The following APBA1 variants were observed in gnomAD, a reference collection of about 807,000 sequenced individuals.
APBA1 encodes amyloid beta precursor protein binding family A member 1.
In APBA1, 55 loss-of-function variants were observed where a neutral mutation model predicts 86.6. The ratio of observed to expected loss-of-function variants is 0.64; its 90% confidence interval spans 0.51 to 0.80. The LOEUF (loss-of-function observed/expected upper bound fraction) is 0.80, where lower values mean the gene tolerates loss of function less well. APBA1 is among the 30% of genes least tolerant of loss of function. APBA1 has a pLI of 0.00. For synonymous variants in APBA1, 511 were observed against 493.9 expected (o/e 1.03, Z -0.46); for missense variants, 1,090 against 1,183.0 (o/e 0.92, Z 1.15).
At chr9:69,501,564 G>T (rs1345618991) in intron 2 of APBA1, among the ~76,000 whole-genome samples, 1 of 151,110 alleles carries the variant, frequency 6.6e-6, no homozygotes, top group African/African-American at 2.4e-5. Context: ...ACTTTGAGAG[G>T]CCAATGCTTG....
intron 2 of APBA1, among the ~76,000 whole-genome samples, chr9:69,487,763 GC>G (rs1554692511): frequency 6.6e-6 from 1 of 151,978 alleles, no homozygotes; most frequent in Non-Finnish European, 1.5e-5. Context: ...CTTACCAGAA[GC>G]AGCCCCTCCA....
chr9:69,565,700 G>T (rs1056643166), intron 1 of APBA1, among the ~76,000 whole-genome samples: 1 of 152,074 alleles, frequency 6.6e-6, no homozygotes, highest in Non-Finnish European at 1.5e-5. Flanking sequence ...CAATTGTCCA[G>T]TCCTGTGGCT....
chr9:69,598,179 C>G (rs1238929837), intron 1 of APBA1, among the ~76,000 whole-genome samples: 1 of 151,246 alleles, frequency 6.6e-6, no homozygotes, highest in Non-Finnish European at 1.5e-5. Flanking sequence ...TAAGCTATCA[C>G]AAGAACAAAA....
chr9:69,511,651 T>C (rs1428653287), intron 2 of APBA1, among the ~76,000 whole-genome samples: 1 of 151,868 alleles, frequency 6.6e-6, no homozygotes, highest in Admixed American at 6.6e-5. Flanking sequence ...TTATTCACAA[T>C]AGCAAAGACT....
At chr9:69,671,674 T>A (rs544935107) in intron 1 of APBA1, among the ~76,000 whole-genome samples, 1 of 152,132 alleles carries the variant, frequency 6.6e-6, no homozygotes, top group East Asian at 1.9e-4. Context: ...ACTGCCTCCC[T>A]CCACACTTCA....
chr9:69,610,316 T>C (rs78112418), intron 1 of APBA1, among the ~76,000 whole-genome samples: 8,141 of 152,164 alleles, frequency 0.054, 304 homozygotes, highest in Non-Finnish European at 0.082. Context: ...TAACACTCTG[T>C]CTCTAAAAAT....
chr9:69,591,407 G>A (rs1286521385), intron 1 of APBA1, among the ~76,000 whole-genome samples: 1 of 152,188 alleles, frequency 6.6e-6, no homozygotes, highest in Non-Finnish European at 1.5e-5. Context: ...CTTCGATTAA[G>A]TACACATCTG....
At chr9:69,489,967 A>G (rs1436607975) in intron 2 of APBA1, among the ~76,000 whole-genome samples, 4 of 152,122 alleles carry the variant, frequency 2.6e-5, no homozygotes, top group Admixed American at 2.6e-4. Flanking sequence ...CTGCCATCCC[A>G]TTACTGGGTA....
At chr9:69,496,913 G>C (rs1402635813) in intron 2 of APBA1, among the ~76,000 whole-genome samples, 3 of 151,926 alleles carry the variant, frequency 2.0e-5, no homozygotes, top group African/African-American at 4.8e-5. Flanking sequence ...GGGTGAAGCT[G>C]TTTAGAGTGT....
intron 1 of APBA1, among the ~76,000 whole-genome samples, chr9:69,522,410 T>C (rs1836268220): frequency 6.6e-6 from 1 of 152,056 alleles, no homozygotes; most frequent in Non-Finnish European, 1.5e-5. Flanking sequence ...TTGCTGCCCT[T>C]ATTCACTCAT....
intron 5 of APBA1, among the ~76,000 whole-genome samples, chr9:69,466,397 C>T (rs1399331844): frequency 6.6e-6 from 1 of 152,204 alleles, no homozygotes; most frequent in Admixed American, 6.5e-5. Flanking sequence ...GGGCATGAGG[C>T]CCAAACCAAC....
intron 1 of APBA1, among the ~76,000 whole-genome samples, chr9:69,649,308 T>C (rs915402793): frequency 6.6e-6 from 1 of 152,178 alleles, no homozygotes; most frequent in Admixed American, 6.5e-5. Context: ...TGGCATCCCA[T>C]TATTCTCAGA....
intron 4 of APBA1, among the ~76,000 whole-genome samples, chr9:69,468,930 T>G (rs1035032736): frequency 6.6e-6 from 1 of 151,040 alleles, no homozygotes; most frequent in Non-Finnish European, 1.5e-5. Flanking sequence ...AGTGGTGTGA[T>G]CTCGGCTCAC....
intron 1 of APBA1, among the ~76,000 whole-genome samples, chr9:69,666,765 T>G (rs1050801877): frequency 2.0e-5 from 3 of 152,190 alleles, no homozygotes; most frequent in African/African-American, 7.2e-5. Flanking sequence ...AAAATAAAGC[T>G]TCAATGTATA....
chr9:69,575,223 AT>A, intron 1 of APBA1, among the ~76,000 whole-genome samples: 1 of 152,240 alleles, frequency 6.6e-6, no homozygotes. Flanking sequence ...CGGCCCAATT[AT>A]TACTATTATT....
rs1351574089 is a variant in APBA1 at position 69,427,892 on chromosome 9, GAAC to G, written c.*3432_*3434del. ...TAAGCTCTATTTCACCCTCTTTACA[GAAC>G]AATAGTACAAGTTCATACTCTAGGT... On this transcript the variant is annotated 3_prime_UTR_variant, in exon 13 of 13. Transcript: ENST00000265381. The G allele has an allele frequency of 1.3e-5, 2 of 152,190 alleles. No homozygotes were observed. Among genetic ancestry groups the G allele is most frequent in the East Asian group, 1.9e-4 (1 of 5,190 alleles). The allele number at this position is 152,190 out of a possible 1,614,324, so 9.4% of individuals were successfully genotyped here.
chr9:69,457,422 T>C (rs1162919888), intron 6 of APBA1, among the ~76,000 whole-genome samples: 1 of 152,224 alleles, frequency 6.6e-6, no homozygotes, highest in Admixed American at 6.5e-5. Context: ...TGAACGATGA[T>C]GGCAAGTGGC....
At chr9:69,533,819 G>A (rs1204975917) in intron 1 of APBA1, among the ~76,000 whole-genome samples, 1 of 152,182 alleles carries the variant, frequency 6.6e-6, no homozygotes, top group East Asian at 1.9e-4. Flanking sequence ...AGCCCAACAA[G>A]TTCTATATTT....
chr9:69,526,874 A>G (rs1043814312), intron 1 of APBA1, among the ~76,000 whole-genome samples: 1 of 152,124 alleles, frequency 6.6e-6, no homozygotes, highest in African/African-American at 2.4e-5. Flanking sequence ...TATACACCAT[A>G]CACCATGGAA....
Sources: allele counts gnomAD v4.1 joint callset (sites outside exome capture counted in the v4.1 genomes callset), GRCh38; gene constraint gnomAD v4.1.1; transcripts MANE v1.5; gene names NCBI Gene and HGNC (gene_info 2026-07-23, HGNC 2026-07-21).